Variants in LRBA observed in about 807,000 individuals in gnomAD.
The protein encoded by LRBA is LPS responsive beige-like anchor protein, also known as lipopolysaccharide-responsive and beige-like anchor protein.
Under a neutral mutation model 330.0 loss-of-function variants are expected in LRBA, and 176 were observed. The ratio of observed to expected loss-of-function variants is 0.53; its 90% CI spans 0.47 to 0.60. LRBA has a LOEUF of 0.60. Among genes scored for constraint, LRBA ranks in the 20% least tolerant of loss-of-function variants. LRBA has a pLI of 0.00. For synonymous variants in LRBA, 1,230 were observed against 1,193.0 expected (o/e 1.03, Z -0.64); for missense variants, 3,259 against 3,444.8 (o/e 0.95, Z 1.35).
Position 150,647,346 on chromosome 4 carries a change from CTTTTTCTTTTTTTTTT to C in LRBA, c.5921+36189_5921+36204del, listed in dbSNP as rs1779242452. Among the ~76,000 whole-genome samples the C allele has an allele frequency of 7.6e-5, 5 of 65,538 alleles. No individual in the cohort carries two copies. The South Asian group carries it at 2.5e-3, about 33-fold the overall frequency. 43.0% of individuals were successfully genotyped at this position (65,538 alleles called of 152,430 possible). A position where few individuals can be genotyped will look rare whatever the true frequency, so the allele number is the denominator to read the frequency against. ...ATATCTGTAAAAAGTAAAATGATTA[CTTTTTCTTTTTTTTTT>C]TTTTTTTTTTTTTGAGACAGGGTCT... On this transcript the variant is annotated intron_variant, in intron 37 of 56. Coordinates refer to ENST00000651943, the MANE Select transcript of LRBA (RefSeq NM_001364905.1).
chr4:150,551,543 G>GC (rs1766588814), intron 40 of LRBA, among the ~76,000 whole-genome samples: 2 of 150,346 alleles, frequency 1.3e-5, no homozygotes, highest in African/African-American at 5.0e-5. Context: ...GCCAGGAGTG[G>GC]TGGAACATGC....
intron 22 of LRBA, among the ~76,000 whole-genome samples, chr4:150,855,781 T>C (rs1751153229): frequency 1.3e-5 from 2 of 152,220 alleles, no homozygotes; most frequent in Non-Finnish European, 2.9e-5. Flanking sequence ...ACTATCTATA[T>C]ACTAAACATA....
At chr4:150,414,543 T>G (rs1408720601) in intron 47 of LRBA, among the ~76,000 whole-genome samples, 1 of 151,992 alleles carries the variant, frequency 6.6e-6, no homozygotes, top group Non-Finnish European at 1.5e-5. Flanking sequence ...CAGGCTGGAG[T>G]ACAATGGCAT....
At chr4:150,817,279 G>T in intron 30 of LRBA, 22 bp from the exon 31 acceptor site, 1 of 1,606,882 alleles carries the variant, frequency 6.2e-7, no homozygotes, top group South Asian at 1.1e-5. Flanking sequence ...AAAGTAAACA[G>T]ACTGAAAGAT....
At chr4:150,660,221 T>C (rs1453499485) in intron 37 of LRBA, among the ~76,000 whole-genome samples, 2 of 9,996 alleles carry the variant, frequency 2.0e-4, no homozygotes, top group African/African-American at 2.7e-4. Flanking sequence ...GGAGCCCCTC[T>C]GCCCGGCCAG....
intron 2 of LRBA, among the ~76,000 whole-genome samples, chr4:150,974,727 T>C (rs566148667): frequency 6.6e-6 from 1 of 152,254 alleles, no homozygotes; most frequent in African/African-American, 2.4e-5. Context: ...AGGAAAGTCA[T>C]GGAGAGAAGA....
At chr4:150,950,789 A>G (rs186088119) in intron 2 of LRBA, among the ~76,000 whole-genome samples, 11 of 152,306 alleles carry the variant, frequency 7.2e-5, no homozygotes, top group African/African-American at 2.6e-4. Flanking sequence ...TTCTGACAAG[A>G]AAGTCTCAGT....
chr4:150,871,599 G>C, intron 18 of LRBA, 146 bp from the exon 19 acceptor site: 4 of 524,462 alleles, frequency 7.6e-6, no homozygotes, highest in Non-Finnish European at 1.4e-5. Flanking sequence ...CTTCAATCTA[G>C]AACTTTTAAG....
chr4:150,533,869 A>G (rs1404457111), intron 40 of LRBA, among the ~76,000 whole-genome samples: 1 of 152,176 alleles, frequency 6.6e-6, no homozygotes, highest in South Asian at 2.1e-4. Flanking sequence ...GTGGCTGATA[A>G]GTCAATCTCC....
intron 47 of LRBA, among the ~76,000 whole-genome samples, chr4:150,389,591 C>A (rs567002629): frequency 6.9e-6 from 1 of 145,984 alleles, no homozygotes; most frequent in African/African-American, 2.5e-5. Context: ...TGCTTGTAAT[C>A]CCAACTTTTT....
intron 2 of LRBA, among the ~76,000 whole-genome samples, chr4:150,980,293 AC>A (rs1468543251): frequency 6.6e-6 from 1 of 152,166 alleles, no homozygotes; most frequent in Non-Finnish European, 1.5e-5. Flanking sequence ...GACAAAAAAA[AC>A]CCTCAAAAAA....
At chr4:150,892,931 TAAC>T in intron 17 of LRBA, 118 bp downstream of exon 17, 2 of 592,454 alleles carry the variant, frequency 3.4e-6, no homozygotes, top group Non-Finnish European at 5.8e-6. Flanking sequence ...TCTTAAATCT[TAAC>T]TCATTTCATG....
chr4:150,474,914 T>C (rs1756546735), intron 42 of LRBA, among the ~76,000 whole-genome samples: 1 of 152,142 alleles, frequency 6.6e-6, no homozygotes, highest in Non-Finnish European at 1.5e-5. Flanking sequence ...ATGATGTACG[T>C]ATTGGGAGTT....
rs779106821 is a variant in LRBA at position 150,871,324 on chromosome 4, A to G, written c.2367+21T>C. 4.5e-6 allele frequency: 6 copies of G among 1,344,384 alleles called. No homozygotes were observed. The South Asian group carries it at 7.3e-5, about 16-fold the overall frequency. 83.3% of individuals were successfully genotyped at this position (1,344,384 alleles called of 1,614,324 possible). On this transcript the variant is annotated intron_variant, in intron 19 of 56. Coordinates refer to ENST00000651943, the MANE Select transcript of LRBA (RefSeq NM_001364905.1). Reference sequence around the variant, plus strand: ...TTTATAATAAGAAATTTAGAGGAGTAAATCCTAAGTACATTCCTACCTCAA... The same window carrying G: ...TTTATAATAAGAAATTTAGAGGAGTGAATCCTAAGTACATTCCTACCTCAA...
chr4:150,690,150 T>G (rs1016764648), intron 36 of LRBA, among the ~76,000 whole-genome samples: 2 of 152,094 alleles, frequency 1.3e-5, no homozygotes, highest in South Asian at 2.1e-4. Flanking sequence ...CAACACAATC[T>G]TAATAAAAAT....
intron 4 of LRBA, among the ~76,000 whole-genome samples, chr4:150,921,999 A>G (rs1215274757): frequency 6.6e-6 from 1 of 152,146 alleles, no homozygotes; most frequent in Non-Finnish European, 1.5e-5. Flanking sequence ...GTGGGATTAC[A>G]GGCGTAAGCC....
chr4:150,713,090 C>T (rs2127045899), intron 36 of LRBA, among the ~76,000 whole-genome samples: 1 of 152,118 alleles, frequency 6.6e-6, no homozygotes, highest in Non-Finnish European at 1.5e-5. Flanking sequence ...GCATGTGCCA[C>T]CAAGCCCAGC....
chr4:150,873,033 T>G (rs1361308232), intron 17 of LRBA, among the ~76,000 whole-genome samples: 1 of 152,164 alleles, frequency 6.6e-6, no homozygotes, highest in Non-Finnish European at 1.5e-5. Flanking sequence ...TTCAGATACT[T>G]TTTTCCTTCT....
chr4:150,378,989 A>C (rs201318000), intron 47 of LRBA, among the ~76,000 whole-genome samples: 1 of 152,146 alleles, frequency 6.6e-6, no homozygotes, highest in African/African-American at 2.4e-5. Context: ...GACACTAACA[A>C]TAAGCCACTA....
Sources: gnomAD v4.1 joint callset for allele counts (sites outside exome capture counted in the v4.1 genomes callset) on GRCh38, gnomAD v4.1.1 for gene constraint, MANE v1.5 for transcripts, NCBI Gene and HGNC (gene_info 2026-07-23, HGNC 2026-07-21) for gene names.